ASXL3: variants seen among roughly 807,000 people sequenced by gnomAD.
ASXL3 encodes the protein putative Polycomb group protein ASXL3.
In ASXL3, 34 loss-of-function variants were observed where a neutral mutation model predicts 170.6. The observed-to-expected ratio is 0.20, with a 90% CI of 0.15 to 0.27. ASXL3 has a LOEUF of 0.27. Among genes scored for constraint, ASXL3 ranks in the 10% least tolerant of loss-of-function variants. The pLI is 1.00. For synonymous variants in ASXL3, 1,002 were observed against 989.1 expected (o/e 1.01, Z -0.24); for missense variants, 2,592 against 2,695.3 (o/e 0.96, Z 0.85).
At chr18:33,597,860 A>G (rs1252546317) in intron 1 of ASXL3, among the ~76,000 whole-genome samples, 1 of 152,132 alleles carries the variant, frequency 6.6e-6, no homozygotes, top group African/African-American at 2.4e-5. Flanking sequence ...TGTGAAATTA[A>G]ATGTCTTAAC....
chr18:33,633,918 G>A (rs1261468285), intron 2 of ASXL3, among the ~76,000 whole-genome samples: 2 of 149,114 alleles, frequency 1.3e-5, no homozygotes, highest in Non-Finnish European at 1.5e-5. Flanking sequence ...GAATTCTATA[G>A]AATATTAAGA....
At chr18:33,617,189 G>A (rs2065437605) in intron 2 of ASXL3, among the ~76,000 whole-genome samples, 1 of 151,988 alleles carries the variant, frequency 6.6e-6, no homozygotes, top group Non-Finnish European at 1.5e-5. Context: ...ATAAAATTAA[G>A]AAGTTTTATA....
Position 33,745,823 on chromosome 18 carries a change from C to G in ASXL3, c.5975C>G (p.Pro1992Arg). 1 of 1,613,952 alleles carries G rather than the reference C, an allele frequency of 6.2e-7. No homozygotes were observed. Among genetic ancestry groups the G allele is most frequent in the Non-Finnish European group, 8.5e-7 (1 of 1,179,878 alleles). The part of the protein sequence containing the change: ...HQLRLANMLS[P>R]NMPMKEGDEV... ...CTAAGGTTAGCCAACATGTTATCCC[C>G]CAATATGCCCATGAAAGAAGGTGAT... The change falls in exon 12 of 12, where the codon CCC becomes CGC. Residue 1992 changes from proline (P) to arginine (R), a missense_variant. Physicochemically the swap from Pro to Arg is moderately radical, Grantham distance 103. This residue lies in a region of ASXL3 where 2,246 missense variants were observed against 2,219.6 expected (regional missense o/e 1.01). Coordinates refer to ENST00000269197, the MANE Select transcript of ASXL3 (RefSeq NM_030632.3).
At chr18:33,708,466 C>T (rs2067001258) in intron 8 of ASXL3, among the ~76,000 whole-genome samples, 1 of 152,278 alleles carries the variant, frequency 6.6e-6, no homozygotes, top group South Asian at 2.1e-4. Flanking sequence ...ATCTTTCACT[C>T]TGGAGAGTTT....
At chr18:33,700,376 T>C (rs1362903712) in intron 8 of ASXL3, among the ~76,000 whole-genome samples, 2 of 151,822 alleles carry the variant, frequency 1.3e-5, no homozygotes, top group Non-Finnish European at 2.9e-5. Context: ...GAGAGGAAGA[T>C]GGTGGGTAAA....
In ASXL3 at chr18:33,644,978, A is replaced by G. The variant is rs1460280736; in HGVS notation, c.222A>G (p.Gly74=). ...ATGGAACATTCTTCAAAATCCCTGG[A>G]AAGTCAGGCCTCTATGCTCTCAAAG... ...IGDGTFFKIP[G]KSGLYALKKE... Residue 74 remains glycine, a synonymous_variant, in exon 3 of 12, where the codon GGA becomes GGG. Transcript: ENST00000269197. The G allele has an allele frequency of 1.3e-6, 2 of 1,567,632 alleles. No individual in the cohort carries two copies. The highest frequency in any genetic ancestry group is 1.4e-5 in the African/African-American group (1 of 73,908).
At chr18:33,620,094 A>G (rs900557826) in intron 2 of ASXL3, among the ~76,000 whole-genome samples, 1 of 152,104 alleles carries the variant, frequency 6.6e-6, no homozygotes, top group Admixed American at 6.6e-5. Context: ...TTATACTCCC[A>G]CTGGGAAGTA....
intron 2 of ASXL3, chr18:33,608,973 C>CTTTTT: frequency 1.3e-6 from 1 of 788,824 alleles, no homozygotes; most frequent in Non-Finnish European, 1.5e-6. Flanking sequence ...ATTTTGGAGA[C>CTTTTT]TTTTTTTTTT....
chr18:33,581,390 AAG>A (rs1045358056), intron 1 of ASXL3, among the ~76,000 whole-genome samples: 25 of 152,166 alleles, frequency 1.6e-4, no homozygotes, highest in Admixed American at 7.9e-4. Context: ...AAATGAACTA[AAG>A]AGAGAGTACT....
chr18:33,662,193 A>G (rs575231146), intron 5 of ASXL3, among the ~76,000 whole-genome samples: 6 of 152,160 alleles, frequency 3.9e-5, no homozygotes, highest in African/African-American at 9.7e-5. Context: ...ATATTCATTT[A>G]TGAGTGTTGT....
intron 10 of ASXL3, among the ~76,000 whole-genome samples, chr18:33,736,792 G>A (rs796546988): frequency 2.6e-5 from 4 of 152,196 alleles, no homozygotes; most frequent in African/African-American, 9.6e-5. Context: ...GTAGTATGGG[G>A]AACTGTGAAC....
At chr18:33,714,466 A>G (rs746852808) in intron 8 of ASXL3, among the ~76,000 whole-genome samples, 1 of 152,152 alleles carries the variant, frequency 6.6e-6, no homozygotes, top group Non-Finnish European at 1.5e-5. Flanking sequence ...TACCTATGCC[A>G]TAGAACTTTA....
intron 5 of ASXL3, 44 bp from the exon 6 acceptor site, chr18:33,670,629 T>G (rs780558232): frequency 8.0e-6 from 11 of 1,374,136 alleles, no homozygotes; most frequent in Non-Finnish European, 1.1e-5. Flanking sequence ...GAGAAATTAT[T>G]TTGGCTATAT....
intron 2 of ASXL3, among the ~76,000 whole-genome samples, chr18:33,638,808 C>T (rs1484253407): frequency 6.6e-6 from 1 of 152,062 alleles, no homozygotes; most frequent in Admixed American, 6.6e-5. Context: ...GTTGTGAAAG[C>T]CCAGGCACAT....
chr18:33,600,824 C>T (rs1308262401), intron 1 of ASXL3, among the ~76,000 whole-genome samples: 1 of 152,086 alleles, frequency 6.6e-6, no homozygotes, highest in Non-Finnish European at 1.5e-5. Flanking sequence ...CCCTGGGCAA[C>T]TGAAGTATGT....
At chr18:33,657,461 A>C (rs187444575) in intron 4 of ASXL3, among the ~76,000 whole-genome samples, 1 of 152,186 alleles carries the variant, frequency 6.6e-6, no homozygotes, top group East Asian at 1.9e-4. Context: ...CCTCTTGTAC[A>C]CCTGTCAGTG....
chr18:33,639,134 TAATAA>T (rs1430628031), intron 2 of ASXL3, among the ~76,000 whole-genome samples: 1 of 152,188 alleles, frequency 6.6e-6, no homozygotes, highest in African/African-American at 2.4e-5. Flanking sequence ...GTAGTAGTAT[TAATAA>T]AATAAGTCAC....
intron 8 of ASXL3, among the ~76,000 whole-genome samples, chr18:33,724,377 G>T (rs971955317): frequency 6.6e-6 from 1 of 152,036 alleles, no homozygotes; most frequent in East Asian, 1.9e-4. Context: ...CTGAATACTT[G>T]GTTCTCACAA....
At chr18:33,617,096 A>G (rs1440339731) in intron 2 of ASXL3, among the ~76,000 whole-genome samples, 1 of 152,204 alleles carries the variant, frequency 6.6e-6, no homozygotes, top group Non-Finnish European at 1.5e-5. Context: ...TATTTATAAC[A>G]ATATGCTTAA....
Sources: allele counts gnomAD v4.1 joint callset (sites outside exome capture counted in the v4.1 genomes callset), GRCh38; gene constraint gnomAD v4.1.1; regional missense constraint gnomAD v4.1.1; transcripts MANE v1.5; gene names NCBI Gene and HGNC (gene_info 2026-07-23, HGNC 2026-07-21).